LUZP2: variants seen among roughly 807,000 people sequenced by gnomAD.
LUZP2 encodes the protein leucine zipper protein 2.
LUZP2 carries 52 observed loss-of-function variants against 51.6 expected under a neutral mutation model. The ratio of observed to expected loss-of-function variants is 1.01; its 90% confidence interval spans 0.81 to 1.27. The LOEUF (loss-of-function observed/expected upper bound fraction) is 1.27, where lower values mean the gene tolerates loss of function less well. Among genes scored for constraint, LUZP2 ranks in the 50% most tolerant of loss-of-function variants. LUZP2 has a pLI of 0.00. For synonymous variants in LUZP2, 154 were observed against 137.3 expected (o/e 1.12, Z -0.85); for missense variants, 436 against 395.4 (o/e 1.10, Z -0.87).
At position 24,524,414 on chromosome 11, in the gene LUZP2, C is replaced by T. The variant is rs185400076; in HGVS notation, c.62+27109C>T. On this transcript the variant is annotated intron_variant, in intron 1 of 11. Coordinates refer to ENST00000336930, the MANE Select transcript of LUZP2 (RefSeq NM_001009909.4). Reference sequence around the variant, plus strand: ...GAGCTTTCGTTTATAGATAAGTGCTCTTCTTTACAAAGATTCCATTTTATT... The same window carrying T: ...GAGCTTTCGTTTATAGATAAGTGCTTTTCTTTACAAAGATTCCATTTTATT... 3.1e-3 allele frequency among the ~76,000 whole-genome samples: 466 copies of T among 151,694 alleles called. 2 individuals are homozygous for T. Among genetic ancestry groups the T allele is most frequent in the Admixed American group, 6.8e-3 (104 of 15,186 alleles).
At chr11:24,954,023 TC>T (rs1401843934) in intron 7 of LUZP2, among the ~76,000 whole-genome samples, 3 of 152,012 alleles carry the variant, frequency 2.0e-5, no homozygotes, top group African/African-American at 7.2e-5. Flanking sequence ...TTTTTTTTTT[TC>T]TTCCTGGCCC....
At chr11:24,786,640 A>G (rs1849253303) in intron 5 of LUZP2, 1 of 158,528 alleles carries the variant, frequency 6.3e-6, no homozygotes, top group Non-Finnish European at 1.3e-5. Context: ...TTTATATATT[A>G]TATACCACAT....
chr11:25,051,519 C>G (rs2134024315), intron 10 of LUZP2, among the ~76,000 whole-genome samples: 1 of 152,190 alleles, frequency 6.6e-6, no homozygotes, highest in African/African-American at 2.4e-5. Context: ...GTTTGAAGCA[C>G]GGGTAGGTCT....
At chr11:24,841,965 C>A (rs1851045993) in intron 5 of LUZP2, among the ~76,000 whole-genome samples, 2 of 151,980 alleles carry the variant, frequency 1.3e-5, no homozygotes, top group South Asian at 4.1e-4. Context: ...TATGAGGAAA[C>A]TCACATACCT....
At chr11:25,059,984 G>A (rs1175400674) in intron 10 of LUZP2, among the ~76,000 whole-genome samples, 1 of 152,124 alleles carries the variant, frequency 6.6e-6, no homozygotes. Flanking sequence ...ATATGTGCAA[G>A]ATATTCCATT....
chr11:24,973,075 A>T (rs200161552), intron 7 of LUZP2, among the ~76,000 whole-genome samples: 5,504 of 53,528 alleles, frequency 0.1, 140 homozygotes, highest in South Asian at 0.22. Flanking sequence ...TTTTTTTTTT[A>T]AATTTTTGGT....
intron 1 of LUZP2, among the ~76,000 whole-genome samples, chr11:24,642,219 A>G (rs1271816760): frequency 6.6e-6 from 1 of 151,822 alleles, no homozygotes; most frequent in East Asian, 1.9e-4. Flanking sequence ...TAGGATTTTT[A>G]GCTAATAAAC....
chr11:24,525,294 C>T (rs947262069), intron 1 of LUZP2, among the ~76,000 whole-genome samples: 1 of 151,530 alleles, frequency 6.6e-6, no homozygotes, highest in Non-Finnish European at 1.5e-5. Flanking sequence ...AAAATGATGC[C>T]ACATTTTGTT....
In LUZP2 at chr11:24,738,214, A is replaced by G. The variant is rs1859014038; in HGVS notation, c.252-7A>G. ...TCTCACTTATGCTCTGTTTTCTACT[A>G]AAATAGAGAAGAAATGAAGTCTCTT... On this transcript the variant is annotated splice_polypyrimidine_tract_variant and splice_region_variant and intron_variant, in intron 3 of 11. Transcript: ENST00000336930. 1 of 1,583,128 alleles carries G rather than the reference A, an allele frequency of 6.3e-7. No individual in the cohort carries two copies. Among genetic ancestry groups the G allele is most frequent in the African/African-American group, 1.4e-5 (1 of 73,938 alleles).
intron 1 of LUZP2, among the ~76,000 whole-genome samples, chr11:24,670,439 G>A (rs146780116): frequency 1.2e-4 from 18 of 152,158 alleles, no homozygotes; most frequent in African/African-American, 4.1e-4. Flanking sequence ...ATATAAGTAT[G>A]TAAACTTAGG....
chr11:24,708,254 C>A (rs1158943357), intron 1 of LUZP2, among the ~76,000 whole-genome samples: 1 of 152,162 alleles, frequency 6.6e-6, no homozygotes, highest in African/African-American at 2.4e-5. Flanking sequence ...CCTACTGATT[C>A]AAATACTAAT....
At chr11:25,038,596 C>T (rs1053258682) in intron 9 of LUZP2, among the ~76,000 whole-genome samples, 2 of 152,184 alleles carry the variant, frequency 1.3e-5, no homozygotes, top group Non-Finnish European at 1.5e-5. Context: ...CGACTTTCTC[C>T]TGGATCTCAT....
At chr11:24,677,113 T>C (rs560101218) in intron 1 of LUZP2, among the ~76,000 whole-genome samples, 2 of 152,188 alleles carry the variant, frequency 1.3e-5, no homozygotes, top group Non-Finnish European at 2.9e-5. Context: ...ATCAAATATA[T>C]ATCATTTTTT....
intron 7 of LUZP2, among the ~76,000 whole-genome samples, chr11:24,924,787 G>C (rs2133822023): frequency 6.6e-6 from 1 of 152,264 alleles, no homozygotes; most frequent in African/African-American, 2.4e-5. Flanking sequence ...GAGATGATAG[G>C]TGGATTTAAA....
chr11:24,685,084 T>C (rs1856859080), intron 1 of LUZP2, among the ~76,000 whole-genome samples: 1 of 151,800 alleles, frequency 6.6e-6, no homozygotes, highest in Non-Finnish European at 1.5e-5. Flanking sequence ...CCAAGTTTTC[T>C]CTATGGGAGA....
intron 9 of LUZP2, among the ~76,000 whole-genome samples, chr11:25,005,699 C>T (rs1223810289): frequency 6.6e-6 from 1 of 152,160 alleles, no homozygotes; most frequent in Non-Finnish European, 1.5e-5. Flanking sequence ...ACCGACGCAG[C>T]AGCAGAAACA....
chr11:24,853,197 G>T (rs553294511), intron 5 of LUZP2, among the ~76,000 whole-genome samples: 4 of 152,044 alleles, frequency 2.6e-5, no homozygotes, highest in Admixed American at 1.3e-4. Flanking sequence ...ATATGTTTCT[G>T]CAGTGACTGG....
At chr11:24,729,394 AC>A in intron 2 of LUZP2, 108 bp downstream of exon 2, 1 of 547,870 alleles carries the variant, frequency 1.8e-6, no homozygotes, top group Non-Finnish European at 3.2e-6. Context: ...TCTGGGCTTG[AC>A]CATGGTGGTT....
chr11:24,907,218 C>A (rs1477450142), intron 6 of LUZP2, among the ~76,000 whole-genome samples: 1 of 149,922 alleles, frequency 6.7e-6, no homozygotes, highest in African/African-American at 2.4e-5. Flanking sequence ...GTCAGTGGTC[C>A]TGTGTCCAGC....
Sources: gnomAD v4.1 joint callset for allele counts (sites outside exome capture counted in the v4.1 genomes callset) on GRCh38, gnomAD v4.1.1 for gene constraint, MANE v1.5 for transcripts, NCBI Gene and HGNC (gene_info 2026-07-23, HGNC 2026-07-21) for gene names.